Variants in CSMD2 observed in about 807,000 individuals in gnomAD.
CSMD2 encodes CUB and sushi domain-containing protein 2.
A neutral mutation model predicts 398.5 loss-of-function variants in CSMD2; 130 were observed. The observed-to-expected ratio is 0.33, with a 90% CI of 0.28 to 0.38. The LOEUF (loss-of-function observed/expected upper bound fraction) is 0.38. CSMD2 is among the 10% of genes least tolerant of loss of function. The pLI, the probability that CSMD2 is intolerant of heterozygous loss-of-function variation, is 1.00. For missense variants in CSMD2, 3,829 were observed against 4,764.9 expected (o/e 0.80, Z 5.78); for synonymous variants, 1,828 against 1,908.5 (o/e 0.96, Z 1.10).
intron 24 of CSMD2, among the ~76,000 whole-genome samples, chr1:33,694,633 G>A (rs1000555714): frequency 2.0e-5 from 3 of 152,118 alleles, no homozygotes; most frequent in Non-Finnish European, 4.4e-5. Context: ...TGTTTCCTGA[G>A]GCTTCCCCAG....
intron 1 of CSMD2, among the ~76,000 whole-genome samples, chr1:34,096,057 C>A (rs1659256565): frequency 6.6e-6 from 1 of 151,748 alleles, no homozygotes; most frequent in South Asian, 2.1e-4. Flanking sequence ...AAAAGATTAT[C>A]CACCATGATC....
In CSMD2 at chr1:33,519,983, C is replaced by G; in HGVS notation, c.10598-33G>C. 2 of 1,611,848 alleles carry G rather than the reference C, an allele frequency of 1.2e-6. No homozygotes were observed. The highest frequency in any genetic ancestry group is 1.7e-5 in the Admixed American group (1 of 59,998). On this transcript the variant is annotated intron_variant, in intron 68 of 70. Transcript: ENST00000373381. The surrounding 1 kb of genome is among the most constrained non-coding windows in gnomAD (Gnocchi z 5.6). Reference sequence around the variant, plus strand: ...GTCCCAAAGCAGAAAAGTCAAGTCACGAGACACAGTCTGAGGCTCCGTTGG... The same window carrying G: ...GTCCCAAAGCAGAAAAGTCAAGTCAGGAGACACAGTCTGAGGCTCCGTTGG...
Position 34,092,573 on chromosome 1 carries a change from G to T in CSMD2, c.188-3380C>A, listed in dbSNP as rs1386358815. On this transcript the variant is annotated intron_variant, in intron 1 of 70. Transcript: ENST00000373381. ...CGCGCACCGTGCACGAGCCGAAGCA[G>T]GGCGAGGCATTGCCTCACTCGGGAC... Among the ~76,000 whole-genome samples the T allele has an allele frequency of 3.9e-5, 6 of 152,120 alleles. No individual in the cohort carries two copies. In the East Asian group the frequency reaches 1.2e-3, roughly 29 times the overall value.
chr1:33,559,521 C>T lies in CSMD2; in HGVS notation c.8381-48G>A, dbSNP rs1658355592. 1.3e-6 allele frequency: 2 copies of T among 1,504,982 alleles called. No individual in the cohort carries two copies. The highest frequency in any genetic ancestry group is 1.8e-6 in the Non-Finnish European group (2 of 1,120,772). 93.2% of individuals were successfully genotyped at this position (1,504,982 alleles called of 1,614,324 possible). A position where few individuals can be genotyped will look rare whatever the true frequency, so the allele number is the denominator to read the frequency against. On this transcript the variant is annotated intron_variant, in intron 53 of 70. Transcript: ENST00000373381. This position sits in a 1 kb window ranked among gnomAD's most constrained non-coding sequence, Gnocchi z 4.0. ...GTAAGCCCTCCTACTATTCCACACC[C>T]CTCAGAATTTATCCACCTCTCACCT...
In CSMD2 at chr1:33,547,701, G is replaced by A. The variant is rs150287057; in HGVS notation, c.8918-1482C>T. On this transcript the variant is annotated intron_variant, in intron 56 of 70. Coordinates refer to ENST00000373381, the MANE Select transcript of CSMD2 (RefSeq NM_001281956.2). ...AAACATTAATAAAAGAGAGCTTATC[G>A]CATTTGGCTAGGTTTTCTTATCTTT... is the stretch of plus-strand genomic sequence containing the variant. 9.7e-4 allele frequency among the ~76,000 whole-genome samples: 147 copies of A among 152,260 alleles called. 2 individuals are homozygous for A. Among genetic ancestry groups the A allele is most frequent in the Middle Eastern group, 3.4e-3 (1 of 294 alleles).
intron 5 of CSMD2, chr1:33,862,933 A>G (rs1639654379): frequency 6.6e-6 from 1 of 152,348 alleles, no homozygotes; most frequent in Admixed American, 6.5e-5. Flanking sequence ...GTCTAGTCTT[A>G]GGCAAGTTTC....
intron 12 of CSMD2, among the ~76,000 whole-genome samples, chr1:33,773,987 G>A (rs912925513): frequency 6.6e-6 from 1 of 152,254 alleles, no homozygotes; most frequent in South Asian, 2.1e-4. Context: ...TGTGGGCTGG[G>A]CAGCTCCAGG....
chr1:33,645,004 AG>A (rs950731833), intron 29 of CSMD2, among the ~76,000 whole-genome samples: 3 of 152,170 alleles, frequency 2.0e-5, no homozygotes, highest in Non-Finnish European at 4.4e-5. Context: ...AACTATGAGG[AG>A]TCCAATGAGT....
chr1:33,942,121 G>A (rs1644695230), intron 3 of CSMD2, among the ~76,000 whole-genome samples: 1 of 152,210 alleles, frequency 6.6e-6, no homozygotes, highest in Non-Finnish European at 1.5e-5. Context: ...TATCGAGAGA[G>A]GTGCTATTAT....
At chr1:34,140,796 G>T (rs1639219216) in intron 1 of CSMD2, among the ~76,000 whole-genome samples, 2 of 152,126 alleles carry the variant, frequency 1.3e-5, no homozygotes, top group Admixed American at 6.5e-5. Context: ...CCTAAGCAAA[G>T]ATTTCATACC....
rs199588477 is a variant in CSMD2, at chr1:33,820,528, A to C, written c.1140T>G (p.His380Gln). The C allele has an allele frequency of 6.5e-5, 79 of 1,210,922 alleles. No homozygotes were observed. The highest frequency in any genetic ancestry group is 8.8e-5 in the Non-Finnish European group (75 of 855,656). 75.0% of individuals were successfully genotyped at this position (1,210,922 alleles called of 1,614,324 possible). Residue 380 changes from histidine (H) to glutamine (Q), a missense_variant, in exon 8 of 71, where the codon CAT becomes CAG. His to Gln is a conservative substitution (Grantham distance 24, BLOSUM62 0). This residue lies in a region of CSMD2 where 2,001 missense variants were observed against 2,567.1 expected (regional missense o/e 0.78). Transcript: ENST00000373381. The stretch of plus-strand genomic sequence containing the variant: ...GTATGCCAGGGTCTGGACACATATT[A>C]TGTCCTTGGGACACACCAACCTGAG... ...VLTQVGVSQG[H>Q]NMCPDPGIPE...
chr1:33,618,163 C>T (rs914236807), intron 37 of CSMD2, among the ~76,000 whole-genome samples: 2 of 152,194 alleles, frequency 1.3e-5, no homozygotes, highest in Admixed American at 1.3e-4. Context: ...AGACTCTCCA[C>T]TGCCTTATTT....
At chr1:33,682,774 C>T (rs1255883230) in intron 25 of CSMD2, among the ~76,000 whole-genome samples, 2 of 152,184 alleles carry the variant, frequency 1.3e-5, no homozygotes, top group African/African-American at 4.8e-5. Flanking sequence ...CCCCCTTTCC[C>T]TTCTACCTCA....
intron 3 of CSMD2, among the ~76,000 whole-genome samples, chr1:34,021,230 T>C (rs919576244): frequency 6.6e-6 from 1 of 152,192 alleles, no homozygotes; most frequent in African/African-American, 2.4e-5. Flanking sequence ...GCTGGGCTCA[T>C]GGGTTGGGAA....
At chr1:34,132,973 T>TG (rs1638298587) in intron 1 of CSMD2, among the ~76,000 whole-genome samples, 1 of 151,968 alleles carries the variant, frequency 6.6e-6, no homozygotes, top group South Asian at 2.1e-4. Flanking sequence ...CACCTTTTTT[T>TG]TTTTTTTGGT....
At chr1:33,718,105 T>C (rs1313418590) in intron 19 of CSMD2, among the ~76,000 whole-genome samples, 1 of 152,150 alleles carries the variant, frequency 6.6e-6, no homozygotes, top group Non-Finnish European at 1.5e-5. Flanking sequence ...GATGAAGTCA[T>C]CTGTCCAAGG....
In CSMD2 at chr1:34,143,936, C is replaced by T. The variant is rs2306240; in HGVS notation, c.187+20975G>A. Among the ~76,000 whole-genome samples the T allele has an allele frequency of 3.4e-3, 515 of 152,262 alleles. 1 individual carries two copies. Among genetic ancestry groups the T allele is most frequent in the East Asian group, 0.025 (127 of 5,182 alleles). The stretch of plus-strand genomic sequence containing the variant: ...AGCTGATGCATTTTAAACCATTGTC[C>T]CATTTCCTAACAATCCACCTAGTTG... On this transcript the variant is annotated intron_variant, in intron 1 of 70. Transcript: ENST00000373381.
At chr1:33,552,196 AC>A (rs1657510967) in intron 55 of CSMD2, among the ~76,000 whole-genome samples, 1 of 152,268 alleles carries the variant, frequency 6.6e-6, no homozygotes, top group Admixed American at 6.5e-5. Context: ...AATGTAAACT[AC>A]AATGAGATAG....
intron 25 of CSMD2, among the ~76,000 whole-genome samples, chr1:33,667,694 TAAAC>T (rs1189249572): frequency 6.6e-6 from 1 of 152,190 alleles, no homozygotes; most frequent in African/African-American, 2.4e-5. Flanking sequence ...GCTGATCTGA[TAAAC>T]AGACAAAGTC....
Sources: allele counts gnomAD v4.1 joint callset (sites outside exome capture counted in the v4.1 genomes callset), GRCh38; gene constraint gnomAD v4.1.1; regional missense constraint gnomAD v4.1.1; non-coding constraint Gnocchi (gnomAD v3.1); transcripts MANE v1.5; gene names NCBI Gene and HGNC (gene_info 2026-07-23, HGNC 2026-07-21).